Variants in CYP4F3 observed in about 807,000 individuals in gnomAD.
CYP4F3 encodes the protein cytochrome P450 4F3.
In CYP4F3, 50 loss-of-function variants were observed where a neutral mutation model predicts 54.8. The ratio of observed to expected loss-of-function variants is 0.91; its 90% CI spans 0.73 to 1.16. CYP4F3 has a LOEUF of 1.16. CYP4F3 is among the 50% of genes most tolerant of loss of function. The pLI, the probability that CYP4F3 is intolerant of heterozygous loss-of-function variation, is 0.00. For synonymous variants in CYP4F3, 244 were observed against 262.6 expected, an observed-to-expected ratio of 0.93 and a Z score of 0.69; for missense variants, 715 against 676.2, an observed-to-expected ratio of 1.06 and a Z score of -0.64.
At chr19:15,650,723 T>TTC (rs1253088580) in intron 7 of CYP4F3, among the ~76,000 whole-genome samples, 10 of 50,592 alleles carry the variant, frequency 2.0e-4, no homozygotes, top group Admixed American at 9.3e-4. Flanking sequence ...TTTCTTTCTT[T>TTC]CTTTCTTTCT....
chr19:15,645,880 C>T lies in CYP4F3; in HGVS notation c.343+17C>T. On this transcript the variant is annotated intron_variant, in intron 3 of 12. Transcript: ENST00000221307. ...TTGCTCCAGGTAGACACTGCACTGG[C>T]CACTCCAGGTAGACACTGCACTGGC... 6.3e-7 allele frequency: 1 copy of T among 1,592,416 alleles called. No homozygotes were observed. Among genetic ancestry groups the T allele is most frequent in the Non-Finnish European group, 8.6e-7 (1 of 1,167,402 alleles).
intron 8 of CYP4F3, 33 bp from the exon 9 acceptor site, chr19:15,652,790 C>T (rs1404261962): frequency 1.9e-6 from 3 of 1,604,018 alleles, no homozygotes; most frequent in Non-Finnish European, 2.6e-6. Flanking sequence ...CTGAAGCAGC[C>T]CAGAGACCCA....
At chr19:15,645,618 G>C in intron 2 of CYP4F3, 101 bp from the exon 3 acceptor site, 1 of 1,462,276 alleles carries the variant, frequency 6.8e-7, no homozygotes, top group East Asian at 2.3e-5. Flanking sequence ...ATGAGATGCT[G>C]CTTGAAATTC....
Position 15,652,421 on chromosome 19 carries a change from C to A in CYP4F3, c.919-148C>A. ...GGGTTGGGGCTCTGGCCATGGTGAC[C>A]AAGAAGGGTCTAGGAGAGCAAGATG... On this transcript the variant is annotated intron_variant, in intron 7 of 12. Coordinates refer to ENST00000221307, the MANE Select transcript of CYP4F3 (RefSeq NM_000896.3). 4.1e-6 allele frequency: 5 copies of A among 1,207,348 alleles called. No individual in the cohort carries two copies. In the South Asian group the frequency reaches 7.0e-5, roughly 17 times the overall value. The allele number at this position is 1,207,348 out of a possible 1,614,324, so 74.8% of individuals were successfully genotyped here. A position where few individuals can be genotyped will look rare whatever the true frequency, so the allele number is the denominator to read the frequency against.
intron 4 of CYP4F3, 34 bp from the exon 5 acceptor site, chr19:15,647,163 T>C: frequency 2.5e-6 from 4 of 1,614,188 alleles, no homozygotes; most frequent in South Asian, 2.2e-5. Flanking sequence ...GGGAGGGAGA[T>C]GCCCTTGCCC....
At chr19:15,650,722 T>C (rs1187086998) in intron 7 of CYP4F3, among the ~76,000 whole-genome samples, 6 of 46,730 alleles carry the variant, frequency 1.3e-4, no homozygotes, top group Admixed American at 5.0e-4. Context: ...CTTTCTTTCT[T>C]TCTTTCTTTC....
Position 15,658,503 on chromosome 19 carries a change from T to A in CYP4F3, c.1262T>A (p.Leu421His), listed in dbSNP as rs1186371824. Reference protein sequence around the residue: ...GRVIPKGIICLISVFGTHHNP... With the variant: ...GRVIPKGIICHISVFGTHHNP... Reference sequence around the variant, plus strand: ...TTCTCTCCCACAGGCATTATCTGCCTCATCAGTGTTTTTGGAACCCATCAC... The same window carrying A: ...TTCTCTCCCACAGGCATTATCTGCCACATCAGTGTTTTTGGAACCCATCAC... The change falls in exon 11 of 13, where the codon CTC (leucine) becomes CAC (histidine). Residue 421 changes from leucine (L) to histidine (H), a missense_variant. Coordinates refer to ENST00000221307, the MANE Select transcript of CYP4F3 (RefSeq NM_000896.3). 5 of 1,614,172 alleles carry A rather than the reference T, an allele frequency of 3.1e-6. No individual in the cohort carries two copies. In the South Asian group the frequency reaches 5.5e-5, roughly 18 times the overall value.
chr19:15,650,710 TTC>T (rs369853691), intron 7 of CYP4F3, among the ~76,000 whole-genome samples: 1 of 55,306 alleles, frequency 1.8e-5, no homozygotes, highest in Non-Finnish European at 3.1e-5. Context: ...CTTTCTTTCT[TTC>T]TTTCTTTCTT....
At chr19:15,647,439 C>G in intron 5 of CYP4F3, 115 bp downstream of exon 5, 2 of 1,509,554 alleles carry the variant, frequency 1.3e-6, no homozygotes, top group African/African-American at 1.4e-5. Flanking sequence ...GTCTTCCTCT[C>G]TGAGCTTTGG....
chr19:15,660,719 A>ATTTT lies in CYP4F3; in HGVS notation c.*1346_*1349dup, dbSNP rs200588031. ...GACAAGACTTTGACAGGGGTGCCTA[A>ATTTT]TTTTTTTTTTTTTTTGAGATGGAGT... On this transcript the variant is annotated 3_prime_UTR_variant, in exon 13 of 13. Coordinates refer to ENST00000221307, the MANE Select transcript of CYP4F3 (RefSeq NM_000896.3). 142 of 143,412 alleles carry ATTTT rather than the reference A, an allele frequency of 9.9e-4. 5 individuals carry two copies. The highest frequency in any genetic ancestry group is 1.3e-3 in the African/African-American group (50 of 38,382). The allele number at this position is 143,412 out of a possible 1,614,324, so 8.9% of individuals were successfully genotyped here. A position where few individuals can be genotyped will look rare whatever the true frequency, so the allele number is the denominator to read the frequency against.
At chr19:15,643,957 C>T (rs757954980) in intron 2 of CYP4F3, 3 of 1,606,294 alleles carry the variant, frequency 1.9e-6, no homozygotes, top group Non-Finnish European at 2.5e-6. Context: ...TGGTGGCCAC[C>T]TACCCCCAGG....
intron 9 of CYP4F3, among the ~76,000 whole-genome samples, chr19:15,657,689 T>C (rs17682410): frequency 0.21 from 31,658 of 152,112 alleles, 3,604 homozygotes; most frequent in Middle Eastern, 0.27. Flanking sequence ...CTTGGCCAAT[T>C]TTCATATTTC....
Position 15,643,612 on chromosome 19 carries a change from C to T in CYP4F3, c.198+1999C>T, listed in dbSNP as rs140026169. Reference sequence around the variant, plus strand: ...TGTAACTGAGTCCAAAGGCCTGAGACGGTGGAGTTCTGGTGTCCAAGGGCA... The same window carrying T: ...TGTAACTGAGTCCAAAGGCCTGAGATGGTGGAGTTCTGGTGTCCAAGGGCA... On this transcript the variant is annotated intron_variant, in intron 2 of 12. Transcript: ENST00000221307. Among the ~76,000 whole-genome samples, 281 of 152,254 alleles carry T rather than the reference C, an allele frequency of 1.8e-3. 1 individual carries two copies. The highest frequency in any genetic ancestry group is 6.8e-3 in the Middle Eastern group (2 of 294).
At chr19:15,654,352 G>A (rs995024294) in intron 9 of CYP4F3, among the ~76,000 whole-genome samples, 4 of 151,904 alleles carry the variant, frequency 2.6e-5, no homozygotes, top group South Asian at 2.1e-4. Flanking sequence ...GATATCCATT[G>A]CCTGAAATAT....
chr19:15,658,779 T>C lies in CYP4F3; in HGVS notation c.1367T>C (p.Leu456Pro). 2.5e-6 allele frequency: 4 copies of C among 1,614,138 alleles called. No homozygotes were observed. The highest frequency in any genetic ancestry group is 3.4e-6 in the Non-Finnish European group (4 of 1,180,034). Residue 456 changes from leucine to proline, a missense_variant, in exon 12 of 13, where the codon CTG (leucine) becomes CCG (proline). Leu to Pro is a moderately conservative substitution (Grantham distance 98). Transcript: ENST00000221307. Reference protein sequence around the residue: ...DPKNIKERSPLAFIPFSAGPR... With the variant: ...DPKNIKERSPPAFIPFSAGPR... ...AAGAACATCAAGGAGAGGTCACCTC[T>C]GGCTTTTATTCCCTTCTCAGCAGGG...
chr19:15,648,220 A>G (rs1487744024), intron 5 of CYP4F3, among the ~76,000 whole-genome samples: 1 of 152,096 alleles, frequency 6.6e-6, no homozygotes, highest in Non-Finnish European at 1.5e-5. Flanking sequence ...TCAGAGACAA[A>G]GGATAGTTTT....
intron 2 of CYP4F3, among the ~76,000 whole-genome samples, chr19:15,642,141 A>G (rs1381462726): frequency 6.6e-6 from 1 of 152,052 alleles, no homozygotes; most frequent in Non-Finnish European, 1.5e-5. Context: ...AAAGTTGGCC[A>G]CTCACTTCCC....
chr19:15,641,262 C>G, intron 1 of CYP4F3, 153 bp from the exon 2 acceptor site: 1 of 984,422 alleles, frequency 1.0e-6, no homozygotes, highest in Admixed American at 2.8e-5. Flanking sequence ...CCTTTCTGGA[C>G]TTTACCCCTC....
chr19:15,658,517 G>A lies in CYP4F3; in HGVS notation c.1276G>A (p.Gly426Arg), dbSNP rs776642677. The A allele has an allele frequency of 3.1e-6, 5 of 1,614,154 alleles. No homozygotes were observed. The highest frequency in any genetic ancestry group is 4.2e-6 in the Non-Finnish European group (5 of 1,180,016). The change falls in exon 11 of 13, where the codon GGA becomes AGA. Residue 426 changes from glycine to arginine, a missense_variant. Gly to Arg is a moderately radical substitution (Grantham distance 125). Transcript: ENST00000221307. ...CATTATCTGCCTCATCAGTGTTTTT[G>A]GAACCCATCACAACCCAGCCGTGTG... ...KGIICLISVF[G>R]THHNPAVWPD...
Sources: gnomAD v4.1 joint callset for allele counts (sites outside exome capture counted in the v4.1 genomes callset) on GRCh38, gnomAD v4.1.1 for gene constraint, MANE v1.5 for transcripts, NCBI Gene and HGNC (gene_info 2026-07-23, HGNC 2026-07-21) for gene names.